Variants in XPNPEP1 observed in about 807,000 individuals in gnomAD.
The protein encoded by XPNPEP1 is X-prolyl aminopeptidase 1, also known as xaa-Pro aminopeptidase 1.
In XPNPEP1, 39 loss-of-function variants were observed where a neutral mutation model predicts 92.4. The observed-to-expected ratio is 0.42, with a 90% confidence interval of 0.33 to 0.55. The LOEUF (loss-of-function observed/expected upper bound fraction) is 0.55. Ranked by LOEUF, XPNPEP1 falls within the 20% of genes least tolerant of loss-of-function variation. The probability of loss-of-function intolerance (pLI) is 0.08; values close to 1 mark genes in which losing one functional copy is unlikely to be tolerated. For synonymous variants in XPNPEP1, 307 were observed against 299.4 expected (o/e 1.03, Z -0.26); for missense variants, 654 against 856.1 (o/e 0.76, Z 2.95).
intron 15 of XPNPEP1, 145 bp from the exon 16 acceptor site, chr10:109,873,572 C>T (rs539408674): frequency 6.4e-5 from 56 of 876,114 alleles, no homozygotes; most frequent in South Asian, 6.3e-4. Flanking sequence ...AAATAGTTCG[C>T]AGTTCCTTAA....
chr10:109,922,036 T>G lies in XPNPEP1; in HGVS notation c.32+1366A>C, dbSNP rs546159133. Among the ~76,000 whole-genome samples the G allele has an allele frequency of 2.6e-5, 4 of 152,328 alleles. No individual in the cohort carries two copies. In the South Asian group the frequency reaches 8.3e-4, roughly 32 times the overall value. ...GATAAAGAGAAGTCTGAAGCCAATG[T>G]TGGTGGTGCTCCCGGATTCAGCCAC... is the stretch of plus-strand genomic sequence containing the variant. On this transcript the variant is annotated intron_variant, in intron 1 of 20. Coordinates refer to ENST00000502935, the MANE Select transcript of XPNPEP1 (RefSeq NM_020383.4).
At chr10:109,865,742 A>C (rs1847104501) in intron 20 of XPNPEP1, among the ~76,000 whole-genome samples, 1 of 152,210 alleles carries the variant, frequency 6.6e-6, no homozygotes, top group Non-Finnish European at 1.5e-5. Context: ...AAAAAGCTGA[A>C]TAAAAAACTA....
At chr10:109,878,203 G>A (rs1467147494) in intron 12 of XPNPEP1, 145 bp from the exon 13 acceptor site, 3 of 801,452 alleles carry the variant, frequency 3.7e-6, no homozygotes, top group African/African-American at 1.7e-5. Flanking sequence ...TTTAGCAAGG[G>A]AGAACTCCCA....
intron 2 of XPNPEP1, among the ~76,000 whole-genome samples, chr10:109,914,797 CAA>C (rs35548906): frequency 2.0e-5 from 2 of 97,600 alleles, no homozygotes; most frequent in Non-Finnish European, 2.2e-5. Flanking sequence ...GACTCCGTCT[CAA>C]AAAAAAAAAA....
chr10:109,886,966 G>T (rs1460583052), intron 7 of XPNPEP1, among the ~76,000 whole-genome samples: 1 of 152,112 alleles, frequency 6.6e-6, no homozygotes, highest in Non-Finnish European at 1.5e-5. Context: ...AGGCCTCTCT[G>T]TTGCTCTGCA....
Position 109,880,884 on chromosome 10 carries a change from A to G in XPNPEP1, c.1089T>C (p.Ala363=), listed in dbSNP as rs1313056741. 3.1e-6 allele frequency: 5 copies of G among 1,614,006 alleles called. No homozygotes were observed. Among genetic ancestry groups the G allele is most frequent in the East Asian group, 2.2e-5 (1 of 44,868 alleles). ...CTTCTGACTCAGCTGAATTCTTCAC[A>G]GCTTTGGCGATGCAGATGGGGGTGT... ...MPYTPICIAK[A]VKNSAESEGM... is the part of the protein sequence containing the mutation. Residue 363 remains alanine, a synonymous_variant, in exon 11 of 21, where the codon GCT becomes GCC. Transcript: ENST00000502935.
At chr10:109,868,535 T>C in intron 20 of XPNPEP1, 79 bp downstream of exon 20, 1 of 1,222,100 alleles carries the variant, frequency 8.2e-7, no homozygotes, top group South Asian at 1.3e-5. Context: ...ATTTAGGATT[T>C]AGAGGATGGA....
In XPNPEP1 at chr10:109,890,577, TGTGTGTGTGTGTGTGTGAGAGA is replaced by T. The variant is rs1322708532; in HGVS notation, c.415+1123_415+1144del. On this transcript the variant is annotated intron_variant, in intron 5 of 20. Coordinates refer to ENST00000502935, the MANE Select transcript of XPNPEP1 (RefSeq NM_020383.4). ...GTGTGTGTGTGTGTGTGTGTGTGTGTGTGTGTGTGTGTGTGTGAGAGAGAGAGAGAGAGAGAGAGAGAGAGAG... is the reference window on the plus strand; with the variant it reads ...GTGTGTGTGTGTGTGTGTGTGTGTGTGAGAGAGAGAGAGAGAGAGAGAGAG... Among the ~76,000 whole-genome samples, 672 of 91,496 alleles carry T rather than the reference TGTGTGTGTGTGTGTGTGAGAGA, an allele frequency of 7.3e-3. 1 individual carries two copies. Among genetic ancestry groups the T allele is most frequent in the South Asian group, 0.014 (22 of 1,612 alleles). The allele number at this position is 91,496 out of a possible 152,430, so 60.0% of individuals were successfully genotyped here.
At position 109,882,611 on chromosome 10, in the gene XPNPEP1, G is replaced by A. The variant is rs774157398; in HGVS notation, c.862C>T (p.Pro288Ser). The A allele has an allele frequency of 3.7e-6, 6 of 1,614,160 alleles. No homozygotes were observed. In the South Asian group the frequency reaches 4.4e-5, roughly 12 times the overall value. The change falls in exon 10 of 21, where the codon CCC becomes TCC. Residue 288 changes from proline (P) to serine (S), a missense_variant. Coordinates refer to ENST00000502935, the MANE Select transcript of XPNPEP1 (RefSeq NM_020383.4). ...LFIDGDRIDA[P>S]SVKEHLLLDL... Reference sequence around the variant, plus strand: ...AGAAGCAGGTGCTCCTTCACACTGGGGGCGTCTATGCGGTCACCATCAATG... The same window carrying A: ...AGAAGCAGGTGCTCCTTCACACTGGAGGCGTCTATGCGGTCACCATCAATG...
At chr10:109,886,466 A>G (rs1350992000) in intron 7 of XPNPEP1, 125 bp from the exon 8 acceptor site, 4 of 845,534 alleles carry the variant, frequency 4.7e-6, no homozygotes, top group Non-Finnish European at 7.5e-6. Context: ...CTACTTAAAC[A>G]GGCAGGAGGC....
intron 9 of XPNPEP1, chr10:109,883,800 G>A (rs1276148586): frequency 2.6e-6 from 1 of 389,936 alleles, no homozygotes; most frequent in African/African-American, 2.1e-5. Context: ...CTTAACACTG[G>A]CTGCTAGAAA....
chr10:109,875,945 C>T (rs1847760927), intron 14 of XPNPEP1: 1 of 215,582 alleles, frequency 4.6e-6, no homozygotes, highest in South Asian at 6.6e-5. Context: ...CAGGACCTAG[C>T]TAGAGTCCTG....
intron 8 of XPNPEP1, among the ~76,000 whole-genome samples, chr10:109,884,966 C>A (rs909331093): frequency 6.6e-6 from 1 of 152,220 alleles, no homozygotes; most frequent in Non-Finnish European, 1.5e-5. Context: ...ACCTATCATA[C>A]TAGCACTTCT....
Position 109,884,055 on chromosome 10 carries a change from G to A in XPNPEP1, c.830+12C>T, listed in dbSNP as rs776872768. 1 of 1,611,980 alleles carries A rather than the reference G, an allele frequency of 6.2e-7. No homozygotes were observed. The highest frequency in any genetic ancestry group is 8.5e-7 in the Non-Finnish European group (1 of 1,178,928). On this transcript the variant is annotated intron_variant, in intron 9 of 20. Transcript: ENST00000502935. ...TCTGGAAGGGAGTTCCAGATGCAGG[G>A]CAAACACTCACATGATCGTCTCTAG...
At chr10:109,872,183 C>A (rs1033584119) in intron 16 of XPNPEP1, among the ~76,000 whole-genome samples, 1 of 152,248 alleles carries the variant, frequency 6.6e-6, no homozygotes, top group South Asian at 2.1e-4. Context: ...CCCTAGCTAA[C>A]ATTACTGAGC....
At chr10:109,868,558 A>C in intron 20 of XPNPEP1, 56 bp downstream of exon 20, 1 of 1,372,550 alleles carries the variant, frequency 7.3e-7, no homozygotes, top group Non-Finnish European at 1.0e-6. Context: ...AGAACTATTT[A>C]AGGTAGTCTC....
rs1418071917 is a variant in XPNPEP1, at chr10:109,867,710, C to T, written c.1872+904G>A. ...AGAGGCACTCAAAGGCCATTGGCTG[C>T]CTCAGATAACAAAATATTCTTATTC... On this transcript the variant is annotated intron_variant, in intron 20 of 20. Transcript: ENST00000502935. The surrounding 1 kb of genome is among the most constrained non-coding windows in gnomAD (Gnocchi z 4.5). 6.6e-6 allele frequency among the ~76,000 whole-genome samples: 1 copy of T among 152,240 alleles called. No homozygotes were observed. The highest frequency in any genetic ancestry group is 6.5e-5 in the Admixed American group (1 of 15,288).
intron 3 of XPNPEP1, chr10:109,893,910 G>A (rs1045335216): frequency 2.0e-5 from 3 of 152,218 alleles, no homozygotes; most frequent in African/African-American, 7.2e-5. Context: ...GGCTGCCAAT[G>A]CATGACACTT....
intron 20 of XPNPEP1, among the ~76,000 whole-genome samples, chr10:109,865,708 G>A (rs1247912107): frequency 6.6e-6 from 1 of 152,150 alleles, no homozygotes; most frequent in South Asian, 2.1e-4. Context: ...CCAACACACT[G>A]GGCTACATAT....
Sources: allele counts gnomAD v4.1 joint callset (sites outside exome capture counted in the v4.1 genomes callset), GRCh38; gene constraint gnomAD v4.1.1; non-coding constraint Gnocchi (gnomAD v3.1); transcripts MANE v1.5; gene names NCBI Gene and HGNC (gene_info 2026-07-23, HGNC 2026-07-21).